Variants in ALG14 observed in about 807,000 individuals in gnomAD.
ALG14 encodes the protein UDP-N-acetylglucosamine transferase subunit ALG14.
Under a neutral mutation model 22.8 loss-of-function variants are expected in ALG14, and 17 were observed. The ratio of observed to expected loss-of-function variants is 0.75; its 90% confidence interval spans 0.51 to 1.12. The LOEUF (loss-of-function observed/expected upper bound fraction) is 1.12, where lower values mean the gene tolerates loss of function less well. Ranked by LOEUF, ALG14 falls within the 50% of genes most tolerant of loss-of-function variation. The pLI is 0.00. For synonymous variants in ALG14, 89 were observed against 103.7 expected, an observed-to-expected ratio of 0.86 and a Z score of 0.86; for missense variants, 288 against 271.8, an observed-to-expected ratio of 1.06 and a Z score of -0.42.
chr1:95,012,323 T>A (rs1175588093), intron 3 of ALG14, among the ~76,000 whole-genome samples: 1 of 152,270 alleles, frequency 6.6e-6, no homozygotes, highest in Non-Finnish European at 1.5e-5. Context: ...CTACTAAATA[T>A]CATTTGGATC....
chr1:95,053,779 T>C (rs950517611), intron 2 of ALG14, among the ~76,000 whole-genome samples: 4 of 152,174 alleles, frequency 2.6e-5, no homozygotes, highest in Non-Finnish European at 5.9e-5. Context: ...TATAAAGATA[T>C]AGAAGATGAC....
In ALG14 at chr1:95,000,881, G is replaced by A. The variant is rs532727760; in HGVS notation, c.421-17575C>T. On this transcript the variant is annotated intron_variant, in intron 3 of 3. Transcript: ENST00000370205. ...GAGGGCACAAAGACACATACCTACC[G>A]AATGACCAATTCCACCTCAGGCTGC... Among the ~76,000 whole-genome samples the A allele has an allele frequency of 9.9e-5, 15 of 151,532 alleles. No individual in the cohort carries two copies. The South Asian group carries it at 2.3e-3, about 23-fold the overall frequency.
intron 2 of ALG14, among the ~76,000 whole-genome samples, chr1:95,038,716 G>GTT (rs71097229): frequency 8.6e-4 from 105 of 121,450 alleles, no homozygotes; most frequent in African/African-American, 1.1e-3. Context: ...AAACTATAAG[G>GTT]TTTTTTTTTT....
chr1:95,003,255 A>G (rs1168379267), intron 3 of ALG14, among the ~76,000 whole-genome samples: 1 of 152,188 alleles, frequency 6.6e-6, no homozygotes, highest in African/African-American at 2.4e-5. Context: ...GTGCAACAAT[A>G]CCAGAGGTGC....
At chr1:95,021,301 A>T (rs1478286303) in intron 3 of ALG14, among the ~76,000 whole-genome samples, 1 of 152,152 alleles carries the variant, frequency 6.6e-6, no homozygotes, top group Non-Finnish European at 1.5e-5. Context: ...AGGTGCTAGC[A>T]CTGCCAAGAT....
intron 2 of ALG14, among the ~76,000 whole-genome samples, chr1:95,060,037 C>A (rs994446561): frequency 1.7e-4 from 2 of 11,980 alleles, no homozygotes; most frequent in African/African-American, 1.0e-3. Context: ...GTAGGGAAAC[C>A]CCCCCAACCT....
rs1241935242 is a variant in ALG14, at chr1:94,978,827, ATTTTTTC to A, written c.*4242_*4248del. 7.3e-6 allele frequency: 1 copy of A among 136,936 alleles called. No individual in the cohort carries two copies. Among genetic ancestry groups the A allele is most frequent in the Non-Finnish European group, 1.5e-5 (1 of 65,530 alleles). The allele number at this position is 136,936 out of a possible 1,614,324, so 8.5% of individuals were successfully genotyped here. ...ACCCCATTTATTTCCTTTTGAGGAC[ATTTTTTC>A]TTTTTTCTTTAAAAAAAAAAAAAAA... is the stretch of plus-strand genomic sequence containing the variant. On this transcript the variant is annotated 3_prime_UTR_variant, in exon 4 of 4. Transcript: ENST00000370205.
In ALG14 at chr1:94,981,336, T is replaced by A. The variant is rs1417135762; in HGVS notation, c.*1740A>T. 1 of 152,106 alleles carries A rather than the reference T, an allele frequency of 6.6e-6. No individual in the cohort carries two copies. The highest frequency in any genetic ancestry group is 1.5e-5 in the Non-Finnish European group (1 of 68,026). The allele number at this position is 152,106 out of a possible 1,614,324, so 9.4% of individuals were successfully genotyped here. ...CCCACTAAATCCAGACAGCAAAGTGTTCTCACCATTCTGAGACACCTTCGG... is the reference window on the plus strand; with the variant it reads ...CCCACTAAATCCAGACAGCAAAGTGATCTCACCATTCTGAGACACCTTCGG... On this transcript the variant is annotated 3_prime_UTR_variant, in exon 4 of 4. Transcript: ENST00000370205.
At chr1:95,037,518 C>T (rs749570552) in intron 2 of ALG14, among the ~76,000 whole-genome samples, 2 of 152,166 alleles carry the variant, frequency 1.3e-5, no homozygotes, top group Non-Finnish European at 2.9e-5. Flanking sequence ...GGAGGCAGCA[C>T]TGTGGGAAGC....
At chr1:95,009,205 T>C (rs948255230) in intron 3 of ALG14, among the ~76,000 whole-genome samples, 2 of 150,550 alleles carry the variant, frequency 1.3e-5, no homozygotes, top group Admixed American at 6.6e-5. Flanking sequence ...AATTTTTTTA[T>C]TTTTATATTT....
chr1:94,990,177 A>G lies in ALG14; in HGVS notation c.421-6871T>C, dbSNP rs17112846. 3.2e-3 allele frequency among the ~76,000 whole-genome samples: 495 copies of G among 152,348 alleles called. 1 individual carries two copies. Among genetic ancestry groups the G allele is most frequent in the African/African-American group, 0.011 (475 of 41,588 alleles). ...AGGGAGTAAAGAAGAAAATGCAGTT[A>G]GAGTCAGGTGGTATATAACATGCAG... On this transcript the variant is annotated intron_variant, in intron 3 of 3. Transcript: ENST00000370205.
chr1:95,053,944 G>A (rs1674841532), intron 2 of ALG14, among the ~76,000 whole-genome samples: 1 of 152,206 alleles, frequency 6.6e-6, no homozygotes, highest in East Asian at 1.9e-4. Flanking sequence ...TCTTTTACAA[G>A]AACACATTCT....
chr1:95,046,728 T>G (rs1485955922), intron 2 of ALG14, among the ~76,000 whole-genome samples: 7 of 152,228 alleles, frequency 4.6e-5, no homozygotes, highest in African/African-American at 1.7e-4. Context: ...CAGAATAAAA[T>G]AATACTACAG....
At chr1:94,998,964 C>A (rs1672980190) in intron 3 of ALG14, among the ~76,000 whole-genome samples, 1 of 152,110 alleles carries the variant, frequency 6.6e-6, no homozygotes, top group African/African-American at 2.4e-5. Flanking sequence ...CATGGGAAGC[C>A]TGCAGAAATT....
chr1:95,064,439 T>C (rs559519613), intron 2 of ALG14, among the ~76,000 whole-genome samples: 2 of 152,316 alleles, frequency 1.3e-5, no homozygotes, highest in East Asian at 3.9e-4. Flanking sequence ...GCTCTTATTA[T>C]TTTGAGGTAT....
At chr1:94,991,369 G>A (rs997476011) in intron 3 of ALG14, among the ~76,000 whole-genome samples, 9 of 152,182 alleles carry the variant, frequency 5.9e-5, no homozygotes, top group Non-Finnish European at 1.3e-4. Context: ...TTACACCTAC[G>A]CTAAATTGTA....
chr1:94,988,940 T>C (rs1237999116), intron 3 of ALG14, among the ~76,000 whole-genome samples: 3 of 152,256 alleles, frequency 2.0e-5, no homozygotes, highest in Non-Finnish European at 4.4e-5. Context: ...TATATATTTA[T>C]ACTCTAATAT....
intron 2 of ALG14, among the ~76,000 whole-genome samples, chr1:95,045,281 G>T (rs369332314): frequency 6.6e-6 from 1 of 151,562 alleles, no homozygotes; most frequent in African/African-American, 2.4e-5. Context: ...CTCTTATTTC[G>T]ACTTAGGTGG....
At chr1:95,036,062 C>T (rs551513848) in intron 2 of ALG14, among the ~76,000 whole-genome samples, 3 of 152,034 alleles carry the variant, frequency 2.0e-5, no homozygotes, top group African/African-American at 7.2e-5. Flanking sequence ...TTTTATATGT[C>T]CTTCAAGTAC....
Sources: allele counts gnomAD v4.1 joint callset (sites outside exome capture counted in the v4.1 genomes callset), GRCh38; gene constraint gnomAD v4.1.1; transcripts MANE v1.5; gene names NCBI Gene and HGNC (gene_info 2026-07-23, HGNC 2026-07-21).